Variants in PAM observed in about 807,000 individuals in gnomAD.
The protein encoded by PAM is peptidyl-glycine alpha-amidating monooxygenase.
Under a neutral mutation model 122.1 loss-of-function variants are expected in PAM, and 72 were observed. The observed-to-expected ratio is 0.59, with a 90% CI of 0.49 to 0.72. The LOEUF (loss-of-function observed/expected upper bound fraction) is 0.72, where lower values mean the gene tolerates loss of function less well. Ranked by LOEUF, PAM falls within the 30% of genes least tolerant of loss-of-function variation. PAM has a pLI of 0.00. For synonymous variants in PAM, 389 were observed against 404.4 expected, an observed-to-expected ratio of 0.96 and a Z score of 0.46; for missense variants, 1,106 against 1,183.7, an observed-to-expected ratio of 0.93 and a Z score of 0.96.
chr5:102,953,123 C>G (rs1759515862), intron 12 of PAM, among the ~76,000 whole-genome samples: 1 of 152,130 alleles, frequency 6.6e-6, no homozygotes, highest in African/African-American at 2.4e-5. Flanking sequence ...AGTGATTCTT[C>G]TACCAAAATC....
chr5:102,926,692 A>G (rs1749679939), intron 7 of PAM, 24 bp downstream of exon 7: 3 of 1,162,628 alleles, frequency 2.6e-6, no homozygotes, highest in Non-Finnish European at 2.6e-6. Context: ...TGTTGGAACT[A>G]AGCAAAACTT....
At chr5:102,969,237 T>TA (rs1765073061) in intron 14 of PAM, among the ~76,000 whole-genome samples, 1 of 122,008 alleles carries the variant, frequency 8.2e-6, no homozygotes, top group Non-Finnish European at 1.8e-5. Context: ...TAAAGTATAA[T>TA]AAAAAATGCC....
At chr5:102,910,407 A>G (rs531076132) in intron 4 of PAM, among the ~76,000 whole-genome samples, 1 of 152,034 alleles carries the variant, frequency 6.6e-6, no homozygotes, top group South Asian at 2.1e-4. Context: ...TTTCAGTGTC[A>G]TCAGATTTCC....
intron 1 of PAM, among the ~76,000 whole-genome samples, chr5:102,804,316 T>A (rs1223695408): frequency 6.6e-6 from 1 of 152,044 alleles, no homozygotes; most frequent in African/African-American, 2.4e-5. Context: ...GACAAAGTGA[T>A]ATATAGAATT....
At chr5:102,998,411 GGCATT>G (rs1776358897) in intron 16 of PAM, among the ~76,000 whole-genome samples, 3 of 152,154 alleles carry the variant, frequency 2.0e-5, no homozygotes, top group Non-Finnish European at 2.9e-5. Flanking sequence ...ATATATAATA[GGCATT>G]TGGACTGCCA....
intron 1 of PAM, among the ~76,000 whole-genome samples, chr5:102,771,587 T>C (rs1221771767): frequency 6.6e-6 from 1 of 152,148 alleles, no homozygotes; most frequent in Non-Finnish European, 1.5e-5. Context: ...TCTTCATGTC[T>C]GGTGGCTTGG....
Position 102,949,894 on chromosome 5 carries a change from T to C in PAM, c.725-8T>C, listed in dbSNP as rs1758227120. ...ATATTAAATGATTAAAATTTGTGTT[T>C]ATTACAGGTAAGGTAGTAAGTGGAT... is the stretch of plus-strand genomic sequence containing the variant. On this transcript the variant is annotated splice_region_variant and splice_polypyrimidine_tract_variant and intron_variant, in intron 10 of 25. Transcript: ENST00000438793. 2.1e-6 allele frequency: 3 copies of C among 1,443,366 alleles called. No individual in the cohort carries two copies. The highest frequency in any genetic ancestry group is 2.9e-6 in the Non-Finnish European group (3 of 1,029,736). 89.4% of individuals were successfully genotyped at this position (1,443,366 alleles called of 1,614,324 possible).
intron 1 of PAM, among the ~76,000 whole-genome samples, chr5:102,775,743 A>G (rs1756993967): frequency 6.6e-6 from 1 of 152,064 alleles, no homozygotes; most frequent in Non-Finnish European, 1.5e-5. Flanking sequence ...TGTATCATTG[A>G]TGGGCATTTG....
chr5:102,829,763 G>A (rs1392695087), intron 1 of PAM, among the ~76,000 whole-genome samples: 1 of 152,092 alleles, frequency 6.6e-6, no homozygotes, highest in Admixed American at 6.5e-5. Flanking sequence ...AATTGTCTCT[G>A]TATATTATCT....
chr5:102,942,787 T>A (rs1344678959), intron 7 of PAM, among the ~76,000 whole-genome samples: 2 of 147,978 alleles, frequency 1.4e-5, no homozygotes, highest in African/African-American at 5.1e-5. Flanking sequence ...CCCAGGCTGG[T>A]CTCAAACTCC....
At chr5:102,903,520 A>G (rs534164308) in intron 4 of PAM, among the ~76,000 whole-genome samples, 12 of 151,578 alleles carry the variant, frequency 7.9e-5, no homozygotes, top group Non-Finnish European at 1.6e-4. Flanking sequence ...AAACATCTAT[A>G]TCTGTGACTT....
At chr5:102,897,127 T>C (rs2151346353) in intron 3 of PAM, among the ~76,000 whole-genome samples, 1 of 151,780 alleles carries the variant, frequency 6.6e-6, no homozygotes, top group South Asian at 2.1e-4. Context: ...CCATACGTTT[T>C]CCTTGTTGGA....
chr5:102,766,564 G>T (rs1754008278), intron 1 of PAM, among the ~76,000 whole-genome samples: 1 of 152,186 alleles, frequency 6.6e-6, no homozygotes, highest in Admixed American at 6.5e-5. Flanking sequence ...TCACCTCTTT[G>T]CTGTGCAACC....
At chr5:102,809,166 T>C (rs563712123) in intron 1 of PAM, among the ~76,000 whole-genome samples, 1 of 152,118 alleles carries the variant, frequency 6.6e-6, no homozygotes, top group Admixed American at 6.5e-5. Context: ...AAGTTAGTCT[T>C]GCATTTATTT....
intron 1 of PAM, among the ~76,000 whole-genome samples, chr5:102,771,913 G>A (rs1432006289): frequency 2.0e-5 from 3 of 152,104 alleles, no homozygotes; most frequent in African/African-American, 7.2e-5. Flanking sequence ...TCTTGTCCTA[G>A]TAAACTATAG....
chr5:102,806,057 A>T (rs1046354952), intron 1 of PAM, among the ~76,000 whole-genome samples: 4 of 152,194 alleles, frequency 2.6e-5, no homozygotes, highest in Non-Finnish European at 5.9e-5. Flanking sequence ...CCTTTTTAAA[A>T]AAACATCTAA....
intron 4 of PAM, among the ~76,000 whole-genome samples, chr5:102,911,978 T>C (rs1046396941): frequency 6.6e-6 from 1 of 152,004 alleles, no homozygotes; most frequent in African/African-American, 2.4e-5. Flanking sequence ...TTTGAATGTT[T>C]CCCAAATATG....
intron 3 of PAM, among the ~76,000 whole-genome samples, chr5:102,869,686 G>A (rs1400638824): frequency 6.6e-6 from 1 of 152,150 alleles, no homozygotes; most frequent in Non-Finnish European, 1.5e-5. Flanking sequence ...TGCCCAGGAA[G>A]AGGTGGATAC....
At chr5:102,919,684 A>G (rs1746693491) in intron 5 of PAM, among the ~76,000 whole-genome samples, 1 of 152,166 alleles carries the variant, frequency 6.6e-6, no homozygotes, top group Non-Finnish European at 1.5e-5. Flanking sequence ...TAAAATTAAT[A>G]GCATCCATTC....
Sources: gnomAD v4.1 joint callset for allele counts (sites outside exome capture counted in the v4.1 genomes callset) on GRCh38, gnomAD v4.1.1 for gene constraint, MANE v1.5 for transcripts, NCBI Gene and HGNC (gene_info 2026-07-23, HGNC 2026-07-21) for gene names.